Variants in PCDH11X observed in about 807,000 individuals in gnomAD.
PCDH11X encodes the protein protocadherin-11 X-linked.
Under a neutral mutation model 53.3 loss-of-function variants are expected in PCDH11X, and 18 were observed. That is an observed-to-expected ratio of 0.34 (90% confidence interval 0.23 to 0.50). The LOEUF is 0.50. Among genes scored for constraint, PCDH11X ranks in the 20% least tolerant of loss-of-function variants. The probability of loss-of-function intolerance (pLI) is 0.98; values close to 1 mark genes in which losing one functional copy is unlikely to be tolerated. For synonymous variants in PCDH11X, 279 were observed against 393.3 expected, an observed-to-expected ratio of 0.71 and a Z score of 3.44; for missense variants, 570 against 1,032.4, an observed-to-expected ratio of 0.55 and a Z score of 6.14.
chrX:92,097,346 T>TG (rs1381282248), intron 6 of PCDH11X, among the ~76,000 whole-genome samples: 2 of 107,102 alleles, frequency 1.9e-5, no homozygotes, highest in African/African-American at 6.8e-5. Context: ...CAGGATGTCA[T>TG]GGCTGCCTTG....
intron 8 of PCDH11X, among the ~76,000 whole-genome samples, chrX:92,329,818 A>G (rs2069419438): frequency 1.8e-5 from 2 of 111,556 alleles, no homozygotes; most frequent in African/African-American, 6.5e-5. Flanking sequence ...AATTATGTCT[A>G]CCAGAAGCTG....
chrX:92,560,188 A>C (rs1345065189), intron 10 of PCDH11X, among the ~76,000 whole-genome samples: 5 of 111,814 alleles, frequency 4.5e-5, no homozygotes, highest in Non-Finnish European at 7.5e-5. Flanking sequence ...CAGATGACTT[A>C]TCTAGATACA....
At chrX:92,343,634 A>G (rs1275163117) in intron 8 of PCDH11X, among the ~76,000 whole-genome samples, 1 of 111,828 alleles carries the variant, frequency 8.9e-6, no homozygotes, top group East Asian at 2.8e-4. Context: ...TAATTTTACC[A>G]AACTAGTTTT....
At chrX:92,504,897 T>G (rs1273017657) in intron 10 of PCDH11X, among the ~76,000 whole-genome samples, 1 of 92,840 alleles carries the variant, frequency 1.1e-5, no homozygotes, top group Non-Finnish European at 2.4e-5. Flanking sequence ...TGAGCAATTT[T>G]TCATATGCTT....
intron 4 of PCDH11X, among the ~76,000 whole-genome samples, chrX:91,817,942 G>A (rs1936506711): frequency 9.0e-6 from 1 of 111,596 alleles, no homozygotes; most frequent in Non-Finnish European, 1.9e-5. Context: ...ATTTCCTAGA[G>A]TGAGTGCCAG....
intron 6 of PCDH11X, among the ~76,000 whole-genome samples, chrX:92,127,849 T>A (rs1241009843): frequency 9.0e-6 from 1 of 111,338 alleles, no homozygotes; most frequent in Non-Finnish European, 1.9e-5. Context: ...AAGAGTCACA[T>A]AACTCTACCC....
intron 6 of PCDH11X, among the ~76,000 whole-genome samples, chrX:91,995,723 G>A (rs1374564943): frequency 1.8e-5 from 2 of 110,486 alleles, no homozygotes; most frequent in Non-Finnish European, 3.8e-5. Flanking sequence ...CATGAAAAAT[G>A]CTATTGGGAT....
intron 4 of PCDH11X, among the ~76,000 whole-genome samples, chrX:91,823,245 A>G (rs1308333490): frequency 1.8e-5 from 2 of 110,673 alleles, no homozygotes; most frequent in Non-Finnish European, 3.8e-5. Flanking sequence ...CTTTCTGTCT[A>G]GTTGATCTGT....
intron 1 of PCDH11X, among the ~76,000 whole-genome samples, chrX:91,797,309 G>A: frequency 9.3e-6 from 1 of 107,196 alleles, no homozygotes; most frequent in Non-Finnish European, 1.9e-5. Flanking sequence ...TTTTGTTGTA[G>A]ATTATATAAT....
intron 1 of PCDH11X, among the ~76,000 whole-genome samples, chrX:91,791,857 A>ATTT (rs755996100): frequency 2.2e-4 from 18 of 83,152 alleles, no homozygotes; most frequent in African/African-American, 4.3e-4. Context: ...CGATCAGTAC[A>ATTT]TTTTTTTTTT....
chrX:92,049,862 C>T (rs991028000), intron 6 of PCDH11X, among the ~76,000 whole-genome samples: 10 of 111,783 alleles, frequency 8.9e-5, no homozygotes, highest in African/African-American at 3.3e-4. Flanking sequence ...CAGCCTCTGC[C>T]TCTCAGGTTC....
At chrX:92,500,960 A>G (rs947893739) in intron 10 of PCDH11X, among the ~76,000 whole-genome samples, 1 of 111,317 alleles carries the variant, frequency 9.0e-6, no homozygotes, top group African/African-American at 3.3e-5. Flanking sequence ...AAAAAATAAT[A>G]AAGTAGATAG....
intron 6 of PCDH11X, chrX:91,982,809 C>T: frequency 5.2e-6 from 4 of 775,470 alleles, no homozygotes; most frequent in Non-Finnish European, 6.0e-6. Context: ...AGCCAAGAAG[C>T]AGGCTTCAGG....
intron 8 of PCDH11X, among the ~76,000 whole-genome samples, chrX:92,357,378 G>T (rs1663228329): frequency 1.8e-5 from 2 of 111,343 alleles, no homozygotes; most frequent in Non-Finnish European, 3.8e-5. Flanking sequence ...ACGAAATCTA[G>T]TCTTTCTTTT....
chrX:91,942,962 T>G (rs2061529080), intron 6 of PCDH11X, among the ~76,000 whole-genome samples: 1 of 100,159 alleles, frequency 1.0e-5, no homozygotes, highest in African/African-American at 3.6e-5. Flanking sequence ...TGAAAAGACA[T>G]GGAGGAAACA....
rs1402396985 is a variant in PCDH11X, at chrX:92,557,583, C to A, written c.3368-60681C>A. Among the ~76,000 whole-genome samples the A allele has an allele frequency of 4.5e-5, 5 of 111,026 alleles. No homozygotes were observed. The East Asian group carries it at 1.4e-3, about 32-fold the overall frequency. ...CAGCATTTTGGTCAAAGCCATTCAA[C>A]AAGTCTCTGGGAAGTTCTAAACTTT... On this transcript the variant is annotated intron_variant, in intron 10 of 10. Coordinates refer to ENST00000682573, the MANE Select transcript of PCDH11X (RefSeq NM_032968.5).
At chrX:92,116,759 G>A (rs1039909238) in intron 6 of PCDH11X, among the ~76,000 whole-genome samples, 17 of 109,747 alleles carry the variant, frequency 1.5e-4, no homozygotes, top group African/African-American at 5.3e-4. Flanking sequence ...CAAATGTTTT[G>A]TATTTTTTTG....
chrX:92,053,466 T>C (rs2063395246), intron 6 of PCDH11X, among the ~76,000 whole-genome samples: 1 of 107,215 alleles, frequency 9.3e-6, no homozygotes, highest in South Asian at 4.2e-4. Flanking sequence ...TCATCAAGAA[T>C]GTTCTGAAAA....
At chrX:92,354,812 G>A (rs2070150964) in intron 8 of PCDH11X, among the ~76,000 whole-genome samples, 1 of 111,296 alleles carries the variant, frequency 9.0e-6, no homozygotes, top group Non-Finnish European at 1.9e-5. Context: ...GACATTAGTA[G>A]GTACTCAGTA....
Sources: gnomAD v4.1 joint callset for allele counts (sites outside exome capture counted in the v4.1 genomes callset) on GRCh38, gnomAD v4.1.1 for gene constraint, MANE v1.5 for transcripts, NCBI Gene and HGNC (gene_info 2026-07-23, HGNC 2026-07-21) for gene names.